ARPC3: variants seen among roughly 807,000 people sequenced by gnomAD.
ARPC3 encodes the protein actin related protein 2/3 complex subunit 3.
In ARPC3, 12 loss-of-function variants were observed where a neutral mutation model predicts 27.6. The observed-to-expected ratio is 0.43, with a 90% CI of 0.28 to 0.70. ARPC3 has a LOEUF of 0.70. Ranked by LOEUF, ARPC3 falls within the 30% of genes least tolerant of loss-of-function variation. The pLI is 0.17. For missense variants in ARPC3, 153 were observed against 207.7 expected, an observed-to-expected ratio of 0.74 and a Z score of 1.62; for synonymous variants, 53 against 67.2, an observed-to-expected ratio of 0.79 and a Z score of 1.03.
In ARPC3 at chr12:110,450,302, G is replaced by A. The variant is rs749473076; in HGVS notation, c.-42C>T. On this transcript the variant is annotated 5_prime_UTR_variant, in exon 1 of 7. Coordinates refer to ENST00000228825, the MANE Select transcript of ARPC3 (RefSeq NM_001278556.2). The stretch of plus-strand genomic sequence containing the variant: ...TTTCAACCCAGAGGAGCAGGATCCA[G>A]GTACAGCGGAGCGCTTCCGGTCTGG... The A allele has an allele frequency of 1.4e-5, 23 of 1,613,744 alleles. No individual in the cohort carries two copies. The highest frequency in any genetic ancestry group is 2.2e-5 in the East Asian group (1 of 44,864).
chr12:110,445,584 C>G, intron 1 of ARPC3, 33 bp from the exon 2 acceptor site: 1 of 1,486,746 alleles, frequency 6.7e-7, no homozygotes. Context: ...AACACAGAAG[C>G]AGAAAAAGAG....
In ARPC3 at chr12:110,436,590, T is replaced by C; in HGVS notation, c.346A>G (p.Ile116Val). The C allele has an allele frequency of 1.2e-6, 2 of 1,613,564 alleles. No individual in the cohort carries two copies. Among genetic ancestry groups the C allele is most frequent in the South Asian group, 1.1e-5 (1 of 91,068 alleles). Residue 116 changes from isoleucine to valine, a missense_variant, in exon 5 of 7, where the codon ATT (isoleucine) becomes GTT (valine). Coordinates refer to ENST00000228825, the MANE Select transcript of ARPC3 (RefSeq NM_001278556.2). ...TGTTTGTTTGCAGGTTTGGCATAAA[T>C]TGCGTTAAGTGGAAAACCAGGCTCT... is the stretch of plus-strand genomic sequence containing the variant. ...PGEPGFPLNA[I>V]YAKPANKQED... is the part of the protein sequence containing the mutation.
chr12:110,441,600 A>C (rs1272618064), intron 2 of ARPC3, among the ~76,000 whole-genome samples: 5 of 151,948 alleles, frequency 3.3e-5, no homozygotes, highest in Admixed American at 2.6e-4. Flanking sequence ...GTACAATTAT[A>C]ACTCACCACA....
At chr12:110,437,251 G>A (rs2062411562) in intron 3 of ARPC3, 99 bp from the exon 4 acceptor site, 1 of 830,756 alleles carries the variant, frequency 1.2e-6, no homozygotes, top group African/African-American at 1.7e-5. Context: ...TCTGCTGAAT[G>A]CAGTGGTAGG....
At chr12:110,436,819 C>G (rs1011889602) in intron 4 of ARPC3, 136 bp from the exon 5 acceptor site, 3 of 769,950 alleles carry the variant, frequency 3.9e-6, no homozygotes, top group Non-Finnish European at 6.2e-6. Flanking sequence ...GAGTCAAGGG[C>G]TTAAAAGGAA....
intron 5 of ARPC3, 140 bp downstream of exon 5, chr12:110,436,417 G>T: frequency 7.0e-7 from 1 of 1,428,256 alleles, no homozygotes; most frequent in Non-Finnish European, 9.7e-7. Flanking sequence ...GTTTGTGAGA[G>T]TGACTAATAA....
chr12:110,448,793 T>TGGTG (rs2062480729), intron 1 of ARPC3, among the ~76,000 whole-genome samples: 1 of 26,420 alleles, frequency 3.8e-5, no homozygotes, highest in Non-Finnish European at 7.9e-5. Flanking sequence ...GGGGGGGGGG[T>TGGTG]GGTGGTACAG....
chr12:110,437,115 TAG>T lies in ARPC3; in HGVS notation c.219_220del (p.Tyr74HisfsTer3), dbSNP rs1566294442. On this transcript the variant is annotated frameshift_variant, in exon 4 of 7. Coordinates refer to ENST00000228825, the MANE Select transcript of ARPC3 (RefSeq NM_001278556.2). LOFTEE classifies it high-confidence loss of function. Reference sequence around the variant, plus strand: ...CAGTTTCTTCAGACATTCAGAAATGTAGAGAGTTATATATATCAAGGTCCTAT... The same window carrying T: ...CAGTTTCTTCAGACATTCAGAAATGTAGAGTTATATATATCAAGGTCCTAT... The T allele has an allele frequency of 6.2e-7, 1 of 1,603,088 alleles. No individual in the cohort carries two copies. Among genetic ancestry groups the T allele is most frequent in the South Asian group, 1.1e-5 (1 of 90,864 alleles).
In ARPC3 at chr12:110,441,358, C is replaced by T. The variant is rs542796039; in HGVS notation, c.107-970G>A. Among the ~76,000 whole-genome samples, 14 of 151,992 alleles carry T rather than the reference C, an allele frequency of 9.2e-5. No individual in the cohort carries two copies. The East Asian group carries it at 1.6e-3, about 17-fold the overall frequency. On this transcript the variant is annotated intron_variant, in intron 2 of 6. Coordinates refer to ENST00000228825, the MANE Select transcript of ARPC3 (RefSeq NM_001278556.2). The stretch of plus-strand genomic sequence containing the variant: ...TTGTTGGTCAGGCTGGTCTCGAACT[C>T]CTGACCTCGTGATCTGCCTGCCTCA...
chr12:110,442,296 T>G (rs919848341), intron 2 of ARPC3, among the ~76,000 whole-genome samples: 21 of 152,118 alleles, frequency 1.4e-4, no homozygotes, highest in Non-Finnish European at 2.6e-4. Flanking sequence ...TAGACTAACT[T>G]TAACTGCTTC....
At chr12:110,440,429 C>G (rs372154962) in intron 2 of ARPC3, 41 bp from the exon 3 acceptor site, 9 of 1,361,870 alleles carry the variant, frequency 6.6e-6, no homozygotes, top group Non-Finnish European at 9.5e-6. Flanking sequence ...GAACATTAGC[C>G]AAATACAAAA....
intron 3 of ARPC3, among the ~76,000 whole-genome samples, chr12:110,438,755 T>C (rs564138337): frequency 2.6e-4 from 39 of 150,458 alleles, no homozygotes; most frequent in African/African-American, 8.8e-4. Flanking sequence ...GTGATTCTCC[T>C]GCCTCAGCCT....
Position 110,436,123 on chromosome 12 carries a change from T to A in ARPC3, c.461A>T (p.Asp154Val), listed in dbSNP as rs898093569. ...AGAGGGTCTTACCTTGCTGGGTTTA[T>A]CATTCTGAGGGTCGAAAACTTTCTC... ...LCEKVFDPQN[D>V]KPSKWWTCFV... Residue 154 changes from aspartate (D) to valine (V), a missense_variant, in exon 6 of 7, where the codon GAT becomes GTT. Coordinates refer to ENST00000228825, the MANE Select transcript of ARPC3 (RefSeq NM_001278556.2). 6.2e-7 allele frequency: 1 copy of A among 1,612,932 alleles called. No homozygotes were observed. Among genetic ancestry groups the A allele is most frequent in the Admixed American group, 1.7e-5 (1 of 59,970 alleles).
intron 1 of ARPC3, among the ~76,000 whole-genome samples, chr12:110,446,596 T>C (rs2062465914): frequency 6.9e-6 from 1 of 145,246 alleles, no homozygotes; most frequent in South Asian, 2.2e-4. Flanking sequence ...TGCACTGCAC[T>C]TGGCCTACTT....
intron 2 of ARPC3, chr12:110,443,005 T>C (rs989433719): frequency 2.0e-5 from 3 of 152,226 alleles, no homozygotes; most frequent in African/African-American, 7.2e-5. Flanking sequence ...ACAGCAGAAA[T>C]GCAAAGTAAT....
At chr12:110,446,652 A>G (rs1421347232) in intron 1 of ARPC3, among the ~76,000 whole-genome samples, 1 of 144,756 alleles carries the variant, frequency 6.9e-6, no homozygotes, top group Non-Finnish European at 1.5e-5. Flanking sequence ...CCTGTCGCCC[A>G]GGATGGAGTG....
chr12:110,444,031 A>G (rs2062451777), intron 2 of ARPC3, among the ~76,000 whole-genome samples: 1 of 150,318 alleles, frequency 6.7e-6, no homozygotes, highest in Non-Finnish European at 1.5e-5. Context: ...GTGCAATGAC[A>G]TGATCTCGGC....
chr12:110,442,982 T>A (rs113469560), intron 2 of ARPC3: 10 of 152,330 alleles, frequency 6.6e-5, no homozygotes, highest in African/African-American at 2.4e-4. Flanking sequence ...TCTATGACTG[T>A]TAACGTTCTC....
intron 2 of ARPC3, chr12:110,445,177 G>A (rs1192740879): frequency 5.0e-6 from 2 of 400,026 alleles, no homozygotes; most frequent in African/African-American, 4.1e-5. Context: ...CATTAGATTT[G>A]TTTGAAAGAA....
Sources: allele counts gnomAD v4.1 joint callset (sites outside exome capture counted in the v4.1 genomes callset), GRCh38; gene constraint gnomAD v4.1.1; transcripts MANE v1.5; gene names NCBI Gene and HGNC (gene_info 2026-07-23, HGNC 2026-07-21).